The following PCCA variants were observed in gnomAD, a reference collection of about 807,000 sequenced individuals.
PCCA encodes propionyl-CoA carboxylase alpha chain, mitochondrial.
Under a neutral mutation model 101.3 loss-of-function variants are expected in PCCA, and 74 were observed. The ratio of observed to expected loss-of-function variants is 0.73; its 90% CI spans 0.61 to 0.89. The LOEUF (loss-of-function observed/expected upper bound fraction) is 0.89, where lower values mean the gene tolerates loss of function less well. Ranked by LOEUF, PCCA falls within the 40% of genes least tolerant of loss-of-function variation. PCCA has a pLI of 0.00. For synonymous variants in PCCA, 294 were observed against 313.6 expected (o/e 0.94, Z 0.66); for missense variants, 891 against 907.0 (o/e 0.98, Z 0.23).
chr13:100,302,301 A>G (rs73573291), intron 13 of PCCA, among the ~76,000 whole-genome samples: 184 of 152,318 alleles, frequency 1.2e-3, no homozygotes, highest in African/African-American at 3.9e-3. Flanking sequence ...GTGTTTAAGA[A>G]TACTGAGAGC....
At position 100,501,993 on chromosome 13, in the gene PCCA, G is replaced by C. The variant is rs186947099; in HGVS notation, c.1900-13434G>C. Among the ~76,000 whole-genome samples the C allele has an allele frequency of 2.3e-3, 346 of 152,236 alleles. 4 individuals carry two copies. Among genetic ancestry groups the C allele is most frequent in the African/African-American group, 7.4e-3 (308 of 41,546 alleles). On this transcript the variant is annotated intron_variant, in intron 21 of 23. Coordinates refer to ENST00000376285, the MANE Select transcript of PCCA (RefSeq NM_000282.4). ...TCCAGGCAAGTTTTGATGCTTTGGT[G>C]ATTGAGAACTGCTGCTTATGCTGTC...
intron 12 of PCCA, among the ~76,000 whole-genome samples, chr13:100,275,057 G>C (rs1235073559): frequency 6.7e-6 from 1 of 149,386 alleles, no homozygotes; most frequent in Non-Finnish European, 1.5e-5. Flanking sequence ...GGGAGGGGGT[G>C]GGGGGGGAGG....
chr13:100,182,248 C>T (rs2056868726), intron 6 of PCCA, among the ~76,000 whole-genome samples: 2 of 151,790 alleles, frequency 1.3e-5, no homozygotes, highest in African/African-American at 2.4e-5. Context: ...AGGTGTGCGC[C>T]ACCACACCTG....
At chr13:100,410,463 G>T (rs1407978511) in intron 19 of PCCA, among the ~76,000 whole-genome samples, 1 of 151,840 alleles carries the variant, frequency 6.6e-6, no homozygotes, top group Non-Finnish European at 1.5e-5. Context: ...GGATAGTCTT[G>T]ATCACTTGAC....
At chr13:100,475,607 T>C (rs2083357093) in intron 21 of PCCA, among the ~76,000 whole-genome samples, 1 of 152,052 alleles carries the variant, frequency 6.6e-6, no homozygotes, top group Admixed American at 6.6e-5. Flanking sequence ...TTATGAACAT[T>C]CATGTACGAG....
chr13:100,152,079 C>T (rs1043985800), intron 4 of PCCA, among the ~76,000 whole-genome samples: 1 of 152,138 alleles, frequency 6.6e-6, no homozygotes, highest in Admixed American at 6.5e-5. Flanking sequence ...ATTGTTCTTT[C>T]CAGGTTGACT....
At chr13:100,359,096 CAAAAAA>C (rs35233154) in intron 18 of PCCA, among the ~76,000 whole-genome samples, 1 of 103,784 alleles carries the variant, frequency 9.6e-6, no homozygotes, top group Non-Finnish European at 1.8e-5. Flanking sequence ...CAAGACTCCT[CAAAAAA>C]AAAAAAAAAG....
At chr13:100,417,063 G>A (rs1295855375) in intron 19 of PCCA, among the ~76,000 whole-genome samples, 2 of 150,738 alleles carry the variant, frequency 1.3e-5, no homozygotes, top group Admixed American at 6.6e-5. Context: ...GGCTAGTCTC[G>A]AACTCCCAAC....
At chr13:100,240,703 A>C (rs2061071913) in intron 8 of PCCA, among the ~76,000 whole-genome samples, 1 of 152,136 alleles carries the variant, frequency 6.6e-6, no homozygotes, top group Non-Finnish European at 1.5e-5. Context: ...TCCCACTATT[A>C]ACCTTTTTCT....
intron 11 of PCCA, among the ~76,000 whole-genome samples, chr13:100,271,490 G>A (rs1476833730): frequency 6.6e-6 from 1 of 152,064 alleles, no homozygotes; most frequent in Non-Finnish European, 1.5e-5. Flanking sequence ...AGACACCGTG[G>A]GGTTGCATGC....
rs115749559 is a variant in PCCA, at chr13:100,439,550, C to T, written c.1846-9702C>T. 2.1e-3 allele frequency among the ~76,000 whole-genome samples: 324 copies of T among 151,974 alleles called. 1 individual carries two copies. The highest frequency in any genetic ancestry group is 7.6e-3 in the African/African-American group (314 of 41,420). ...TTATTTTTTTACTATGTCTATATTC[C>T]TGTGAAGTAATTTTTTTGACCTTGA... On this transcript the variant is annotated intron_variant, in intron 20 of 23. Transcript: ENST00000376285.
At chr13:100,281,890 G>A (rs559171489) in intron 12 of PCCA, among the ~76,000 whole-genome samples, 59 of 152,246 alleles carry the variant, frequency 3.9e-4, no homozygotes, top group African/African-American at 1.2e-3. Flanking sequence ...CACTTTGCAC[G>A]TGCAGAAGTA....
intron 21 of PCCA, among the ~76,000 whole-genome samples, chr13:100,510,806 A>C (rs2086424169): frequency 6.6e-6 from 1 of 152,242 alleles, no homozygotes; most frequent in Admixed American, 6.5e-5. Context: ...TTGAGACTGC[A>C]CTGATGGAGT....
intron 6 of PCCA, among the ~76,000 whole-genome samples, chr13:100,199,470 T>G (rs911911541): frequency 1.3e-5 from 2 of 152,190 alleles, no homozygotes; most frequent in Non-Finnish European, 2.9e-5. Flanking sequence ...TTACAGAGTC[T>G]TACCCCAGTC....
chr13:100,440,011 G>GA (rs2080220843), intron 20 of PCCA, among the ~76,000 whole-genome samples: 1 of 151,432 alleles, frequency 6.6e-6, no homozygotes, highest in Non-Finnish European at 1.5e-5. Context: ...ATTCTATATT[G>GA]AATAGGTCTT....
intron 7 of PCCA, among the ~76,000 whole-genome samples, chr13:100,223,533 T>C (rs979802476): frequency 1.3e-5 from 2 of 152,152 alleles, no homozygotes; most frequent in Admixed American, 6.5e-5. Flanking sequence ...GTGAGCGTTA[T>C]AGCTCATAAA....
Position 100,209,575 on chromosome 13 carries a change from C to CAT in PCCA, c.600+115_600+116dup. 11 of 759,758 alleles carry CAT rather than the reference C, an allele frequency of 1.4e-5. 1 individual carries two copies. Among genetic ancestry groups the CAT allele is most frequent in the Admixed American group, 5.6e-5 (3 of 53,892 alleles). 47.1% of individuals were successfully genotyped at this position (759,758 alleles called of 1,614,324 possible). A position where few individuals can be genotyped will look rare whatever the true frequency, so the allele number is the denominator to read the frequency against. On this transcript the variant is annotated intron_variant, in intron 7 of 23. Transcript: ENST00000376285. ...TTTGGGATATACACACACACACACA[C>CAT]ATATGCACGCACATACATACATGTA...
intron 21 of PCCA, among the ~76,000 whole-genome samples, chr13:100,479,055 G>A (rs1269556976): frequency 6.6e-6 from 1 of 152,080 alleles, no homozygotes; most frequent in Non-Finnish European, 1.5e-5. Flanking sequence ...CTTATTCTCT[G>A]ACAGATAATC....
At chr13:100,288,600 A>C (rs1273324912) in intron 12 of PCCA, among the ~76,000 whole-genome samples, 1 of 152,228 alleles carries the variant, frequency 6.6e-6, no homozygotes, top group Admixed American at 6.5e-5. Flanking sequence ...TTTTAACTAA[A>C]GTCTGTAGTT....
Sources: gnomAD v4.1 joint callset for allele counts (sites outside exome capture counted in the v4.1 genomes callset) on GRCh38, gnomAD v4.1.1 for gene constraint, MANE v1.5 for transcripts, NCBI Gene and HGNC (gene_info 2026-07-23, HGNC 2026-07-21) for gene names.